Variants in LURAP1L observed in about 807,000 individuals in gnomAD.
LURAP1L encodes leucine rich adaptor protein 1 like.
Under a neutral mutation model 13.8 loss-of-function variants are expected in LURAP1L, and 12 were observed. The observed-to-expected ratio is 0.87, with a 90% confidence interval of 0.56 to 1.41. The LOEUF is 1.41. Ranked by LOEUF, LURAP1L falls within the 40% of genes most tolerant of loss-of-function variation. The probability of loss-of-function intolerance (pLI) is 0.00; values close to 1 mark genes in which losing one functional copy is unlikely to be tolerated. For synonymous variants in LURAP1L, 139 were observed against 119.2 expected, an observed-to-expected ratio of 1.17 and a Z score of -1.08; for missense variants, 375 against 292.9, an observed-to-expected ratio of 1.28 and a Z score of -2.04.
chr9:12,800,976 G>A (rs1323237228), intron 1 of LURAP1L, among the ~76,000 whole-genome samples: 2 of 152,158 alleles, frequency 1.3e-5, no homozygotes, highest in African/African-American at 4.8e-5. Flanking sequence ...AACTGTCACA[G>A]CATTTCTCAG....
intron 1 of LURAP1L, among the ~76,000 whole-genome samples, chr9:12,781,714 G>C (rs1367696850): frequency 6.6e-6 from 1 of 152,188 alleles, no homozygotes; most frequent in African/African-American, 2.4e-5. Context: ...TGCTGCAATA[G>C]ACACAGGAGT....
intron 1 of LURAP1L, among the ~76,000 whole-genome samples, chr9:12,791,253 T>C (rs1024944334): frequency 6.6e-6 from 1 of 152,270 alleles, no homozygotes; most frequent in East Asian, 1.9e-4. Context: ...TTTTTCTCTT[T>C]GTGATTTGAA....
Position 12,821,713 on chromosome 9 carries a change from C to G in LURAP1L, c.640C>G (p.Leu214Val), listed in dbSNP as rs1027413249. The G allele has an allele frequency of 1.2e-5, 20 of 1,614,058 alleles. No homozygotes were observed. The African/African-American group carries it at 2.4e-4, about 19-fold the overall frequency. ...DSSLIEDSQA[L>V]HKRPKLDSEY... ...CTCCCTCATAGAGGACTCACAGGCACTACACAAGCGTCCTAAATTGGATTC... is the reference window on the plus strand; with the variant it reads ...CTCCCTCATAGAGGACTCACAGGCAGTACACAAGCGTCCTAAATTGGATTC... Residue 214 changes from leucine (L) to valine (V), a missense_variant, in exon 2 of 2, where the codon CTA becomes GTA. Coordinates refer to ENST00000319264, the MANE Select transcript of LURAP1L (RefSeq NM_203403.2).
intron 1 of LURAP1L, among the ~76,000 whole-genome samples, chr9:12,813,557 G>T (rs1000942687): frequency 3.9e-5 from 6 of 152,016 alleles, no homozygotes; most frequent in African/African-American, 1.4e-4. Flanking sequence ...TTATTTTATT[G>T]GTTGTCTAGA....
At chr9:12,777,472 C>T in intron 1 of LURAP1L, 19 of 985,260 alleles carry the variant, frequency 1.9e-5, no homozygotes, top group Non-Finnish European at 2.3e-5. Context: ...GGGACGAAGA[C>T]ATCAAGGAGA....
In LURAP1L at chr9:12,818,708, G is replaced by C. The variant is rs374835132; in HGVS notation, c.313-2678G>C. The stretch of plus-strand genomic sequence containing the variant: ...AGTATTTGGAGAGGAAGAGAGTGAA[G>C]TTTTTCAAGAATGGGGAATGACAGA... On this transcript the variant is annotated intron_variant, in intron 1 of 1. Coordinates refer to ENST00000319264, the MANE Select transcript of LURAP1L (RefSeq NM_203403.2). Among the ~76,000 whole-genome samples, 298 of 152,288 alleles carry C rather than the reference G, an allele frequency of 2.0e-3. 1 individual carries two copies. Among genetic ancestry groups the C allele is most frequent in the African/African-American group, 7.0e-3 (292 of 41,570 alleles).
intron 1 of LURAP1L, among the ~76,000 whole-genome samples, chr9:12,801,781 G>A (rs578051242): frequency 6.6e-6 from 1 of 152,272 alleles, no homozygotes; most frequent in East Asian, 1.9e-4. Context: ...AAACACAAGA[G>A]GAAGAACATA....
chr9:12,820,104 C>G (rs1264004494), intron 1 of LURAP1L, among the ~76,000 whole-genome samples: 1 of 152,162 alleles, frequency 6.6e-6, no homozygotes, highest in Non-Finnish European at 1.5e-5. Flanking sequence ...CCAAACACCA[C>G]CTCTTGATAT....
chr9:12,815,250 G>C (rs1198696343), intron 1 of LURAP1L, among the ~76,000 whole-genome samples: 1 of 152,138 alleles, frequency 6.6e-6, no homozygotes, highest in Non-Finnish European at 1.5e-5. Context: ...TTGAACACAA[G>C]GAGCTTATGC....
At chr9:12,793,539 A>G (rs925904404) in intron 1 of LURAP1L, among the ~76,000 whole-genome samples, 9 of 152,058 alleles carry the variant, frequency 5.9e-5, no homozygotes, top group Non-Finnish European at 1.3e-4. Context: ...ATTTACATAT[A>G]CAAGTGGGAT....
At chr9:12,777,291 A>G (rs915613522) in intron 1 of LURAP1L, 5 of 985,394 alleles carry the variant, frequency 5.1e-6, no homozygotes, top group Non-Finnish European at 6.0e-6. Flanking sequence ...ATAGATGAAA[A>G]GATAAAATGG....
At chr9:12,820,158 T>C (rs897208983) in intron 1 of LURAP1L, among the ~76,000 whole-genome samples, 7 of 152,188 alleles carry the variant, frequency 4.6e-5, no homozygotes, top group African/African-American at 1.4e-4. Context: ...AAAGAGACCC[T>C]GCTTTGTGGC....
chr9:12,787,446 G>A (rs1196476246), intron 1 of LURAP1L, among the ~76,000 whole-genome samples: 2 of 152,054 alleles, frequency 1.3e-5, no homozygotes, highest in Admixed American at 1.3e-4. Flanking sequence ...TAGTCTATTA[G>A]TATAAAAAAA....
rs754557712 is a variant in LURAP1L at position 12,821,419 on chromosome 9, C to G, written c.346C>G (p.Arg116Gly). 3 of 1,614,022 alleles carry G rather than the reference C, an allele frequency of 1.9e-6. No individual in the cohort carries two copies. The Admixed American group carries it at 5.0e-5, about 27-fold the overall frequency. ...NLRATDVRLM[R>G]QLLVINESIE... is the part of the protein sequence containing the mutation. ...CAGAGCCACAGACGTCAGGCTCATG[C>G]GCCAGTTGCTTGTAATCAATGAGAG... is the stretch of plus-strand genomic sequence containing the variant. Residue 116 changes from arginine (R) to glycine (G), a missense_variant, in exon 2 of 2, where the codon CGC (arginine) becomes GGC (glycine). By Grantham distance (125) the Arg-to-Gly change is moderately radical (BLOSUM62 -2). Transcript: ENST00000319264.
rs71329888 is a variant in LURAP1L at position 12,807,020 on chromosome 9, CAAAAAAAAA to C, written c.313-14349_313-14341del. Among the ~76,000 whole-genome samples, 10 of 21,884 alleles carry C rather than the reference CAAAAAAAAA, an allele frequency of 4.6e-4. 2 individuals are homozygous for C. In the East Asian group the frequency reaches 5.0e-3, roughly 11 times the overall value. The allele number at this position is 21,884 out of a possible 152,430, so 14.4% of individuals were successfully genotyped here. A position where few individuals can be genotyped will look rare whatever the true frequency, so the allele number is the denominator to read the frequency against. On this transcript the variant is annotated intron_variant, in intron 1 of 1. Transcript: ENST00000319264. The stretch of plus-strand genomic sequence containing the variant: ...TGGGCGACAGAGCCAGACTCCGTCT[CAAAAAAAAA>C]AAAAAAAAAAAAAAAATGAGACTAA...
At position 12,775,697 on chromosome 9, in the gene LURAP1L, T is replaced by C. The variant is rs777863270; in HGVS notation, c.-19T>C. Reference sequence around the variant, plus strand: ...CATCTGCTGCGTTTTATTACTATTATCGCCGTTCCGGAAAAGTCATGGAAG... The same window carrying C: ...CATCTGCTGCGTTTTATTACTATTACCGCCGTTCCGGAAAAGTCATGGAAG... On this transcript the variant is annotated 5_prime_UTR_variant, in exon 1 of 2. Coordinates refer to ENST00000319264, the MANE Select transcript of LURAP1L (RefSeq NM_203403.2). The C allele has an allele frequency of 1.3e-6, 2 of 1,549,772 alleles. No individual in the cohort carries two copies. Among genetic ancestry groups the C allele is most frequent in the Non-Finnish European group, 8.7e-7 (1 of 1,154,462 alleles).
intron 1 of LURAP1L, among the ~76,000 whole-genome samples, chr9:12,785,161 G>T (rs993847111): frequency 1.3e-5 from 2 of 152,254 alleles, no homozygotes; most frequent in South Asian, 4.1e-4. Flanking sequence ...TCTGTTGTCC[G>T]GGAGCTAGGG....
At chr9:12,802,957 C>T (rs1274770312) in intron 1 of LURAP1L, among the ~76,000 whole-genome samples, 1 of 152,182 alleles carries the variant, frequency 6.6e-6, no homozygotes, top group Admixed American at 6.5e-5. Context: ...TGGCATGGAT[C>T]ACCCATACCC....
intron 1 of LURAP1L, among the ~76,000 whole-genome samples, chr9:12,800,724 T>C (rs1233369378): frequency 6.6e-6 from 1 of 152,216 alleles, no homozygotes; most frequent in East Asian, 1.9e-4. Flanking sequence ...CCTTCTGCCG[T>C]GATTCTAAGT....
Sources: allele counts gnomAD v4.1 joint callset (sites outside exome capture counted in the v4.1 genomes callset), GRCh38; gene constraint gnomAD v4.1.1; transcripts MANE v1.5; gene names NCBI Gene and HGNC (gene_info 2026-07-23, HGNC 2026-07-21).